Variants in CDK14 observed in about 807,000 individuals in gnomAD.
CDK14 encodes cyclin dependent kinase 14.
In CDK14, 34 loss-of-function variants were observed where a neutral mutation model predicts 60.7. The ratio of observed to expected loss-of-function variants is 0.56; its 90% CI spans 0.43 to 0.75. The LOEUF (loss-of-function observed/expected upper bound fraction) is 0.75. CDK14 is among the 30% of genes least tolerant of loss of function. The pLI, the probability that CDK14 is intolerant of heterozygous loss-of-function variation, is 0.00. For synonymous variants in CDK14, 197 were observed against 203.7 expected (o/e 0.97, Z 0.28); for missense variants, 482 against 564.1 (o/e 0.85, Z 1.47).
chr7:90,723,363 A>G (rs1802524508), intron 2 of CDK14, among the ~76,000 whole-genome samples: 1 of 152,146 alleles, frequency 6.6e-6, no homozygotes, highest in South Asian at 2.1e-4. Flanking sequence ...GAGTCCAGTC[A>G]AGCAGGAAGC....
At chr7:91,159,857 G>A (rs1357715877) in intron 14 of CDK14, among the ~76,000 whole-genome samples, 2 of 152,184 alleles carry the variant, frequency 1.3e-5, no homozygotes, top group Non-Finnish European at 2.9e-5. Context: ...TGTACCCTCA[G>A]TCATGGATGG....
intron 14 of CDK14, among the ~76,000 whole-genome samples, chr7:91,127,197 T>C (rs759359793): frequency 1.2e-4 from 19 of 152,192 alleles, no homozygotes; most frequent in Non-Finnish European, 2.6e-4. Context: ...GCTGTCCTTC[T>C]GACATGAGCA....
At chr7:90,948,416 G>T (rs1293638341) in intron 8 of CDK14, among the ~76,000 whole-genome samples, 3 of 152,314 alleles carry the variant, frequency 2.0e-5, no homozygotes, top group Admixed American at 1.3e-4. Flanking sequence ...GGCTGCTTAA[G>T]AATTTAAGCA....
chr7:90,807,594 C>G (rs1431775839), intron 5 of CDK14, among the ~76,000 whole-genome samples: 1 of 152,186 alleles, frequency 6.6e-6, no homozygotes, highest in Non-Finnish European at 1.5e-5. Flanking sequence ...TCCTCACCAG[C>G]AACGGAACAA....
chr7:90,726,819 G>A lies in CDK14; in HGVS notation c.369+7G>A. 6.2e-7 allele frequency: 1 copy of A among 1,612,954 alleles called. No individual in the cohort carries two copies. The highest frequency in any genetic ancestry group is 8.5e-7 in the Non-Finnish European group (1 of 1,179,540). ...GCACTCCAGCCCCAGCTCGGTAAGTGCAGTCTTTTTGTTTATCACTGGGTA... is the reference window on the plus strand; with the variant it reads ...GCACTCCAGCCCCAGCTCGGTAAGTACAGTCTTTTTGTTTATCACTGGGTA... On this transcript the variant is annotated splice_region_variant and intron_variant, in intron 3 of 14. Coordinates refer to ENST00000380050, the MANE Select transcript of CDK14 (RefSeq NM_001287135.2).
intron 4 of CDK14, among the ~76,000 whole-genome samples, chr7:90,757,602 T>A (rs1018965827): frequency 7.2e-5 from 11 of 152,012 alleles, no homozygotes; most frequent in Admixed American, 7.2e-4. Context: ...AATTCTTTTT[T>A]TTTTTTTTGT....
intron 14 of CDK14, among the ~76,000 whole-genome samples, chr7:91,174,217 G>C (rs1455039431): frequency 1.3e-5 from 2 of 151,788 alleles, no homozygotes; most frequent in African/African-American, 4.8e-5. Flanking sequence ...CACACGGCAG[G>C]GTATTCCAAC....
intron 5 of CDK14, among the ~76,000 whole-genome samples, chr7:90,858,605 A>G (rs1483851165): frequency 4.6e-5 from 7 of 152,222 alleles, no homozygotes; most frequent in South Asian, 2.1e-4. Context: ...TTCTTACAAC[A>G]TGATATTCAG....
chr7:90,644,978 T>C (rs1223330899), intron 2 of CDK14, among the ~76,000 whole-genome samples: 7 of 152,218 alleles, frequency 4.6e-5, no homozygotes, highest in Non-Finnish European at 8.8e-5. Context: ...TTAGACATCT[T>C]ACCGCTAAGA....
chr7:90,662,047 G>A (rs1440267479), intron 2 of CDK14, among the ~76,000 whole-genome samples: 1 of 152,152 alleles, frequency 6.6e-6, no homozygotes, highest in Non-Finnish European at 1.5e-5. Context: ...AAATTGGCAC[G>A]TCCCTCCATG....
intron 9 of CDK14, among the ~76,000 whole-genome samples, chr7:90,981,456 A>G (rs1406638675): frequency 6.6e-6 from 1 of 152,198 alleles, no homozygotes; most frequent in Non-Finnish European, 1.5e-5. Flanking sequence ...TCATTATAAC[A>G]CTGTATACTA....
intron 2 of CDK14, among the ~76,000 whole-genome samples, chr7:90,670,369 A>G (rs1162140590): frequency 6.6e-6 from 1 of 152,172 alleles, no homozygotes; most frequent in Non-Finnish European, 1.5e-5. Context: ...ATAGGACTGA[A>G]ACTATAATCT....
intron 14 of CDK14, among the ~76,000 whole-genome samples, chr7:91,124,143 C>T (rs1283599390): frequency 6.6e-6 from 1 of 152,062 alleles, no homozygotes; most frequent in African/African-American, 2.4e-5. Flanking sequence ...CTGCTTTCGC[C>T]TCACAAAGTG....
chr7:91,174,165 C>A (rs1801639457), intron 14 of CDK14, among the ~76,000 whole-genome samples: 1 of 152,000 alleles, frequency 6.6e-6, no homozygotes, highest in Non-Finnish European at 1.5e-5. Flanking sequence ...CCCTGAGCAG[C>A]CTAACTGGGA....
At chr7:91,147,202 A>G (rs964389097) in intron 14 of CDK14, among the ~76,000 whole-genome samples, 2 of 146,636 alleles carry the variant, frequency 1.4e-5, no homozygotes, top group Non-Finnish European at 3.0e-5. Context: ...ACACACACAC[A>G]CACACTTCTT....
intron 6 of CDK14, among the ~76,000 whole-genome samples, chr7:90,877,038 G>A (rs1407168826): frequency 1.3e-5 from 2 of 152,090 alleles, no homozygotes; most frequent in Non-Finnish European, 2.9e-5. Flanking sequence ...CAATTGGCTG[G>A]TTAGTTGTTG....
intron 5 of CDK14, among the ~76,000 whole-genome samples, chr7:90,792,564 G>T (rs1805876444): frequency 1.3e-5 from 2 of 152,072 alleles, no homozygotes; most frequent in Admixed American, 6.6e-5. Flanking sequence ...AGCATCCAGT[G>T]CTTCCTCTAC....
chr7:90,929,154 T>C (rs1793513998), intron 8 of CDK14, among the ~76,000 whole-genome samples: 3 of 152,280 alleles, frequency 2.0e-5, no homozygotes, highest in Admixed American at 2.0e-4. Context: ...GAAAGGGAAT[T>C]CCCCGACCCC....
chr7:90,733,819 G>T (rs996416354), intron 3 of CDK14, among the ~76,000 whole-genome samples: 1 of 152,090 alleles, frequency 6.6e-6, no homozygotes, highest in African/African-American at 2.4e-5. Flanking sequence ...TTAGGTTATT[G>T]TATTGTTAGG....
Sources: gnomAD v4.1 joint callset for allele counts (sites outside exome capture counted in the v4.1 genomes callset) on GRCh38, gnomAD v4.1.1 for gene constraint, MANE v1.5 for transcripts, NCBI Gene and HGNC (gene_info 2026-07-23, HGNC 2026-07-21) for gene names.